KLRG1: variants seen among roughly 807,000 people sequenced by gnomAD.
KLRG1 encodes the protein killer cell lectin-like receptor subfamily G member 1.
A neutral mutation model predicts 21.8 loss-of-function variants in KLRG1; 16 were observed. The observed-to-expected ratio is 0.73, with a 90% CI of 0.50 to 1.11. The LOEUF (loss-of-function observed/expected upper bound fraction) is 1.11, where lower values mean the gene tolerates loss of function less well. Among genes scored for constraint, KLRG1 ranks in the 50% most tolerant of loss-of-function variants. The pLI is 0.00. For missense variants in KLRG1, 173 were observed against 218.3 expected, an observed-to-expected ratio of 0.79 and a Z score of 1.31; for synonymous variants, 69 against 75.9, an observed-to-expected ratio of 0.91 and a Z score of 0.47.
the KLRG1 span, among the ~76,000 whole-genome samples, chr12:9,147,084 AGATGTC>A: frequency 6.6e-6 from 1 of 152,192 alleles, no homozygotes; most frequent in Non-Finnish European, 1.5e-5. Flanking sequence ...CTGGCAAGGC[AGATGTC>A]AGTTGTTTGG....
At chr12:9,110,219 C>G in the KLRG1 span, 1 of 1,190,716 alleles carries the variant, frequency 8.4e-7, no homozygotes, top group Non-Finnish European at 1.2e-6. Context: ...CCTTTAATGA[C>G]AAGTTTCTGA....
chr12:8,962,826 GTGACC>G (rs1946403418), intron 1 of KLRG1, among the ~76,000 whole-genome samples: 1 of 152,106 alleles, frequency 6.6e-6, no homozygotes, highest in Admixed American at 6.5e-5. Flanking sequence ...CAGAGCTTCA[GTGACC>G]TGTGGTACTA....
intron 1 of KLRG1, among the ~76,000 whole-genome samples, chr12:8,975,467 T>C (rs1329198388): frequency 6.6e-6 from 1 of 152,214 alleles, no homozygotes; most frequent in Non-Finnish European, 1.5e-5. Flanking sequence ...TCTTAAGTGC[T>C]CCTTATGACC....
chr12:9,107,401 C>A, the KLRG1 span: 1 of 1,207,918 alleles, frequency 8.3e-7, no homozygotes, highest in Non-Finnish European at 1.1e-6. Context: ...TGAAAAATTA[C>A]AATAGCCAAC....
At chr12:9,203,891 GAC>G in the KLRG1 span, 1 of 1,614,032 alleles carries the variant, frequency 6.2e-7, no homozygotes, top group African/African-American at 1.3e-5. Context: ...GGCTCAGAAG[GAC>G]ACAGCCCTTC....
chr12:9,112,472 T>C, the KLRG1 span: 2 of 1,613,928 alleles, frequency 1.2e-6, no homozygotes, highest in Non-Finnish European at 1.7e-6. Context: ...CTTAAATTCT[T>C]GGGTTGGTCC....
chr12:9,123,848 T>C, the KLRG1 span, among the ~76,000 whole-genome samples: 1 of 152,026 alleles, frequency 6.6e-6, no homozygotes, highest in Non-Finnish European at 1.5e-5. Context: ...CAATGGCTTT[T>C]TTTTTTTCGC....
chr12:9,169,046 C>T, the KLRG1 span: 1 of 1,101,462 alleles, frequency 9.1e-7, no homozygotes, highest in Non-Finnish European at 1.4e-6. Flanking sequence ...TCCTTAGAGA[C>T]TTCTCTATGT....
At chr12:9,162,086 C>G in the KLRG1 span, among the ~76,000 whole-genome samples, 1 of 152,142 alleles carries the variant, frequency 6.6e-6, no homozygotes, top group Non-Finnish European at 1.5e-5. Context: ...CCCAGCCCCC[C>G]ATGTAGCTGG....
chr12:9,211,178 T>C, the KLRG1 span, among the ~76,000 whole-genome samples: 2 of 152,310 alleles, frequency 1.3e-5, no homozygotes, highest in South Asian at 4.1e-4. Flanking sequence ...CCAGTATTCC[T>C]TTAAATAAGC....
At chr12:9,213,738 T>C in the KLRG1 span, among the ~76,000 whole-genome samples, 3 of 152,118 alleles carry the variant, frequency 2.0e-5, no homozygotes, top group Non-Finnish European at 2.9e-5. Context: ...CTTTGATCTT[T>C]ATCAGATATA....
the KLRG1 span, among the ~76,000 whole-genome samples, chr12:9,018,135 C>A: frequency 6.6e-6 from 1 of 152,108 alleles, no homozygotes; most frequent in Non-Finnish European, 1.5e-5. Context: ...GAAGGATATT[C>A]CATGTTTATG....
the KLRG1 span, chr12:9,069,713 T>C: frequency 1.3e-6 from 2 of 1,573,734 alleles, no homozygotes; most frequent in East Asian, 2.2e-5. Flanking sequence ...ATTATCTACG[T>C]TTTTTTGCAA....
intron 1 of KLRG1, among the ~76,000 whole-genome samples, chr12:8,974,271 C>T (rs1475029463): frequency 1.3e-5 from 2 of 151,824 alleles, no homozygotes. Flanking sequence ...GGGTTCATGC[C>T]ATTCTTCTGC....
chr12:9,212,431 A>G, the KLRG1 span, among the ~76,000 whole-genome samples: 1 of 152,196 alleles, frequency 6.6e-6, no homozygotes, highest in African/African-American at 2.4e-5. Context: ...TTTAGGATTC[A>G]CTGTATAAGA....
the KLRG1 span, among the ~76,000 whole-genome samples, chr12:9,173,308 G>T: frequency 1.3e-5 from 2 of 152,164 alleles, no homozygotes; most frequent in Non-Finnish European, 2.9e-5. Context: ...GCAATCTCTG[G>T]GATGCAGCTA....
At chr12:9,069,040 C>T in the KLRG1 span, 3,245 of 476,194 alleles carry the variant, frequency 6.8e-3, 89 homozygotes, top group African/African-American at 0.058. Flanking sequence ...ACTAACATAA[C>T]GCATATACCT....
the KLRG1 span, among the ~76,000 whole-genome samples, chr12:9,211,584 G>T: frequency 6.6e-6 from 1 of 152,134 alleles, no homozygotes; most frequent in African/African-American, 2.4e-5. Flanking sequence ...GGGGAAATTT[G>T]TAGATCTCCA....
intron 3 of KLRG1, among the ~76,000 whole-genome samples, chr12:9,003,719 A>ATTC (rs1275756285): frequency 6.6e-6 from 1 of 150,384 alleles, no homozygotes; most frequent in African/African-American, 2.4e-5. Context: ...TATTATTATT[A>ATTC]TACTTTAAGT....
Sources: gnomAD v4.1 joint callset for allele counts (sites outside exome capture counted in the v4.1 genomes callset) on GRCh38, gnomAD v4.1.1 for gene constraint, MANE v1.5 for transcripts, NCBI Gene and HGNC (gene_info 2026-07-23, HGNC 2026-07-21) for gene names.